PTPRD: variants seen among roughly 807,000 people sequenced by gnomAD.
The protein encoded by PTPRD is receptor-type tyrosine-protein phosphatase delta.
Under a neutral mutation model 214.5 loss-of-function variants are expected in PTPRD, and 34 were observed. The ratio of observed to expected loss-of-function variants is 0.16; its 90% CI spans 0.12 to 0.21. The LOEUF (loss-of-function observed/expected upper bound fraction) is 0.21. Among genes scored for constraint, PTPRD ranks in the 10% least tolerant of loss-of-function variants. PTPRD has a pLI of 1.00. For synonymous variants in PTPRD, 1,128 were observed against 845.7 expected, an observed-to-expected ratio of 1.33 and a Z score of -5.79; for missense variants, 2,545 against 2,398.7, an observed-to-expected ratio of 1.06 and a Z score of -1.27.
At chr9:10,200,058 A>C (rs2099413485) in intron 3 of PTPRD, among the ~76,000 whole-genome samples, 1 of 152,010 alleles carries the variant, frequency 6.6e-6, no homozygotes, top group African/African-American at 2.4e-5. Context: ...AGATGTGTAA[A>C]AATTTTATAT....
intron 9 of PTPRD, among the ~76,000 whole-genome samples, chr9:9,389,910 G>T (rs1481523691): frequency 6.6e-6 from 1 of 152,082 alleles, no homozygotes; most frequent in Non-Finnish European, 1.5e-5. Context: ...AGTATTAAAG[G>T]CTGGACAAAT....
Position 9,509,803 on chromosome 9 carries a change from T to TAA in PTPRD, c.-237+64927_-237+64928dup, listed in dbSNP as rs35950370. 4.0e-3 allele frequency among the ~76,000 whole-genome samples: 592 copies of TAA among 149,378 alleles called. 2 individuals carry two copies. The highest frequency in any genetic ancestry group is 0.012 in the African/African-American group (478 of 40,852). ...AGTTTATTGAAACTACCTTTTTATTTAAAAAAAAAACATTAAAAAATATTT... is the reference window on the plus strand; with the variant it reads ...AGTTTATTGAAACTACCTTTTTATTTAAAAAAAAAAAACATTAAAAAATATTT... On this transcript the variant is annotated intron_variant, in intron 8 of 45. Coordinates refer to ENST00000381196, the MANE Select transcript of PTPRD (RefSeq NM_002839.4).
rs1564891123 is a variant in PTPRD, at chr9:8,449,766, G to C, written c.3947C>G (p.Thr1316Arg). ...AAGGCGCCTCAGTTCTACAGGGTCT[G>C]TTGGGTGGTGTGAAGGGATCTCCTT... ...NNKEIPSHHP[T>R]DPVELRRLNF... Residue 1316 changes from threonine (T) to arginine (R), a missense_variant, in exon 34 of 46, where the codon ACA (threonine) becomes AGA (arginine). By Grantham distance (71) the Thr-to-Arg change is moderately conservative. Coordinates refer to ENST00000381196, the MANE Select transcript of PTPRD (RefSeq NM_002839.4). The C allele has an allele frequency of 1.9e-6, 3 of 1,614,120 alleles. No individual in the cohort carries two copies.
chr9:9,042,337 G>C (rs932201573), intron 10 of PTPRD, among the ~76,000 whole-genome samples: 2 of 152,258 alleles, frequency 1.3e-5, no homozygotes, highest in African/African-American at 2.4e-5. Context: ...ACATCTCTAG[G>C]TCAACCACTA....
intron 11 of PTPRD, among the ~76,000 whole-genome samples, chr9:8,776,334 C>A (rs2095472351): frequency 6.6e-6 from 1 of 152,130 alleles, no homozygotes; most frequent in Admixed American, 6.5e-5. Context: ...CAGGGTCTTA[C>A]TCACATCGCC....
At chr9:9,276,957 G>T (rs1386221097) in intron 9 of PTPRD, among the ~76,000 whole-genome samples, 1 of 151,224 alleles carries the variant, frequency 6.6e-6, no homozygotes, top group Non-Finnish European at 1.5e-5. Flanking sequence ...TGCCAGGACA[G>T]CATTTTCAGC....
intron 7 of PTPRD, among the ~76,000 whole-genome samples, chr9:9,586,321 A>G: frequency 6.6e-6 from 1 of 152,008 alleles, no homozygotes; most frequent in East Asian, 1.9e-4. Context: ...AATGTTTGAC[A>G]GTATATTGGT....
intron 2 of PTPRD, among the ~76,000 whole-genome samples, chr9:10,454,183 A>G (rs931102420): frequency 6.6e-6 from 1 of 151,564 alleles, no homozygotes; most frequent in Non-Finnish European, 1.5e-5. Context: ...GGATACCCAG[A>G]TTTCCATTTT....
At chr9:10,500,314 G>A (rs1307438273) in intron 2 of PTPRD, among the ~76,000 whole-genome samples, 1 of 151,692 alleles carries the variant, frequency 6.6e-6, no homozygotes, top group Non-Finnish European at 1.5e-5. Context: ...GAAAAAAAAT[G>A]CATACTCTTT....
At chr9:10,494,062 G>C (rs1430287377) in intron 2 of PTPRD, among the ~76,000 whole-genome samples, 1 of 151,928 alleles carries the variant, frequency 6.6e-6, no homozygotes, top group Non-Finnish European at 1.5e-5. Context: ...TTTGTGAGCA[G>C]TAGATTTTGC....
intron 2 of PTPRD, among the ~76,000 whole-genome samples, chr9:10,470,386 A>C (rs1156432312): frequency 6.6e-6 from 1 of 152,208 alleles, no homozygotes; most frequent in East Asian, 1.9e-4. Context: ...TAAAATTATC[A>C]TAGTAAATGG....
chr9:9,511,054 T>C (rs373985484), intron 8 of PTPRD, among the ~76,000 whole-genome samples: 7 of 151,850 alleles, frequency 4.6e-5, no homozygotes, highest in African/African-American at 1.2e-4. Flanking sequence ...TCTTGTACAA[T>C]AGAATCTATG....
chr9:8,885,518 C>G (rs532697998), intron 11 of PTPRD, among the ~76,000 whole-genome samples: 96 of 130,712 alleles, frequency 7.3e-4, no homozygotes, highest in African/African-American at 2.5e-3. Context: ...TTTTCTGAGA[C>G]CAAGTCTCGC....
chr9:9,220,928 G>A (rs1180730944), intron 9 of PTPRD, among the ~76,000 whole-genome samples: 1 of 152,072 alleles, frequency 6.6e-6, no homozygotes, highest in Non-Finnish European at 1.5e-5. Context: ...TGTATGAGTA[G>A]GAAAGTAGGG....
chr9:8,465,895 GGTCTA>G (rs1418577165), intron 31 of PTPRD, among the ~76,000 whole-genome samples: 1 of 151,812 alleles, frequency 6.6e-6, no homozygotes, highest in Admixed American at 6.6e-5. Context: ...GCTCTGACAA[GGTCTA>G]GGCTATAAAC....
In PTPRD at chr9:9,169,860, G is replaced by A. The variant is rs531200773; in HGVS notation, c.-143+13444C>T. ...CAACAACAAAGGCACTAACTTCCTG[G>A]TTAGCCTAATGATGTTTCATTACAA... On this transcript the variant is annotated intron_variant, in intron 10 of 45. Transcript: ENST00000381196. Among the ~76,000 whole-genome samples, 267 of 152,202 alleles carry A rather than the reference G, an allele frequency of 1.8e-3. 1 individual carries two copies. Among genetic ancestry groups the A allele is most frequent in the Middle Eastern group, 3.4e-3 (1 of 294 alleles).
At chr9:8,528,437 A>T (rs1592842156) in intron 15 of PTPRD, 154 bp downstream of exon 15, 5 of 731,498 alleles carry the variant, frequency 6.8e-6, no homozygotes, top group Non-Finnish European at 1.2e-5. Context: ...ATGACATCAC[A>T]AACATGGACC....
intron 5 of PTPRD, among the ~76,000 whole-genome samples, chr9:9,815,162 T>A (rs967152606): frequency 2.0e-5 from 3 of 152,100 alleles, no homozygotes; most frequent in African/African-American, 7.2e-5. Flanking sequence ...AACAGACACA[T>A]AGACTAATGG....
chr9:10,324,839 A>G (rs1253434817), intron 3 of PTPRD, among the ~76,000 whole-genome samples: 1 of 152,076 alleles, frequency 6.6e-6, no homozygotes, highest in Admixed American at 6.6e-5. Flanking sequence ...AGAAATCTCT[A>G]CATGTTCTCA....
Sources: allele counts gnomAD v4.1 joint callset (sites outside exome capture counted in the v4.1 genomes callset), GRCh38; gene constraint gnomAD v4.1.1; transcripts MANE v1.5; gene names NCBI Gene and HGNC (gene_info 2026-07-23, HGNC 2026-07-21).